Variants in SH3RF3 observed in about 807,000 individuals in gnomAD.
SH3RF3 encodes E3 ubiquitin-protein ligase SH3RF3.
In SH3RF3, 29 loss-of-function variants were observed where a neutral mutation model predicts 66.3. The ratio of observed to expected loss-of-function variants is 0.44; its 90% confidence interval spans 0.33 to 0.60. The LOEUF (loss-of-function observed/expected upper bound fraction) is 0.60, where lower values mean the gene tolerates loss of function less well. Among genes scored for constraint, SH3RF3 ranks in the 20% least tolerant of loss-of-function variants. The probability of loss-of-function intolerance (pLI) is 0.04; values close to 1 mark genes in which losing one functional copy is unlikely to be tolerated. For missense variants in SH3RF3, 1,194 were observed against 1,190.9 expected (o/e 1.00, Z -0.04); for synonymous variants, 583 against 532.0 (o/e 1.10, Z -1.32).
chr2:109,135,434 C>T (rs1046640466), intron 1 of SH3RF3, among the ~76,000 whole-genome samples: 10 of 152,188 alleles, frequency 6.6e-5, no homozygotes, highest in African/African-American at 2.4e-4. Flanking sequence ...GACTTGTTAT[C>T]AGTGAATTAG....
At chr2:109,428,522 C>T (rs1334409885) in intron 5 of SH3RF3, among the ~76,000 whole-genome samples, 1 of 152,226 alleles carries the variant, frequency 6.6e-6, no homozygotes, top group Middle Eastern at 3.2e-3. Flanking sequence ...CCCCTGGCCC[C>T]ATGCCTGACT....
At chr2:109,480,902 T>C (rs115743948) in intron 8 of SH3RF3, among the ~76,000 whole-genome samples, 1 of 152,124 alleles carries the variant, frequency 6.6e-6, no homozygotes, top group African/African-American at 2.4e-5. Flanking sequence ...GGTTTCTGTC[T>C]TAAAAGAATG....
At chr2:109,430,992 C>T (rs776020120) in intron 5 of SH3RF3, among the ~76,000 whole-genome samples, 9 of 152,124 alleles carry the variant, frequency 5.9e-5, no homozygotes, top group African/African-American at 1.4e-4. Context: ...TTAGGATGTT[C>T]GAAAAGGGGG....
At chr2:109,242,195 C>A (rs889445405) in intron 1 of SH3RF3, among the ~76,000 whole-genome samples, 7 of 152,080 alleles carry the variant, frequency 4.6e-5, no homozygotes, top group African/African-American at 1.7e-4. Flanking sequence ...TTAGGTGGCC[C>A]CTTTTCCTGC....
At chr2:109,238,787 A>G (rs1193411713) in intron 1 of SH3RF3, among the ~76,000 whole-genome samples, 1 of 152,066 alleles carries the variant, frequency 6.6e-6, no homozygotes, top group African/African-American at 2.4e-5. Flanking sequence ...ATACAGAGGC[A>G]AGGCCCCTGA....
At chr2:109,447,365 G>A (rs898842801) in intron 7 of SH3RF3, among the ~76,000 whole-genome samples, 1 of 152,048 alleles carries the variant, frequency 6.6e-6, no homozygotes. Context: ...ATGTCTCACG[G>A]TGCTACTTCC....
chr2:109,383,524 G>A (rs923314610), intron 3 of SH3RF3, among the ~76,000 whole-genome samples: 2 of 152,154 alleles, frequency 1.3e-5, no homozygotes. Flanking sequence ...AATACTTTCT[G>A]TTTCCAATGG....
At chr2:109,306,689 A>G (rs544606607) in intron 1 of SH3RF3, among the ~76,000 whole-genome samples, 7 of 152,352 alleles carry the variant, frequency 4.6e-5, no homozygotes, top group African/African-American at 1.7e-4. Flanking sequence ...CTAGCATGTT[A>G]CTGAAGACAA....
intron 1 of SH3RF3, among the ~76,000 whole-genome samples, chr2:109,226,418 G>C (rs1160261766): frequency 6.6e-6 from 1 of 152,168 alleles, no homozygotes; most frequent in Non-Finnish European, 1.5e-5. Context: ...AGCCATGTGA[G>C]GTCTAATGAC....
At chr2:109,247,170 A>T (rs560401912) in intron 1 of SH3RF3, among the ~76,000 whole-genome samples, 1 of 152,320 alleles carries the variant, frequency 6.6e-6, no homozygotes, top group Admixed American at 6.5e-5. Context: ...GGGTTTGCAG[A>T]GGACAAGGAA....
At chr2:109,470,914 G>T (rs1247867612) in intron 8 of SH3RF3, among the ~76,000 whole-genome samples, 2 of 152,168 alleles carry the variant, frequency 1.3e-5, no homozygotes, top group African/African-American at 4.8e-5. Context: ...TTTTCACACT[G>T]CTGTAAAGAA....
At position 109,398,602 on chromosome 2, in the gene SH3RF3, G is replaced by T. The variant is rs1316259373; in HGVS notation, c.958G>T (p.Ala320Ser). Residue 320 changes from alanine (A) to serine (S), a missense_variant, in exon 4 of 10, where the codon GCC (alanine) becomes TCC (serine). Ala to Ser is a moderately conservative substitution (Grantham distance 99). Transcript: ENST00000309415. ...CTTTCTCACTCAGCTCAATGACTCC[G>T]CCAAGCAGCTCATTGAGATGGACAA... ...PLLYVELNDSAKQLIEMDKPC... is the reference protein window; with the variant it reads ...PLLYVELNDSSKQLIEMDKPC... The T allele has an allele frequency of 6.4e-7, 1 of 1,570,108 alleles. No homozygotes were observed. The highest frequency in any genetic ancestry group is 8.6e-7 in the Non-Finnish European group (1 of 1,159,544).
chr2:109,279,938 G>T (rs1175087929), intron 1 of SH3RF3, among the ~76,000 whole-genome samples: 1 of 152,022 alleles, frequency 6.6e-6, no homozygotes, highest in South Asian at 2.1e-4. Context: ...GGTAAGAGGT[G>T]GAGGGTGAGG....
In SH3RF3 at chr2:109,350,180, G is replaced by A. The variant is rs376341192; in HGVS notation, c.849+2231G>A. On this transcript the variant is annotated intron_variant, in intron 2 of 9. Transcript: ENST00000309415. Reference sequence around the variant, plus strand: ...CTTAGACTCATTCTGCGGTTGGCATGTGGGGTGGGGGTAGCCGAGCAGGGG... The same window carrying A: ...CTTAGACTCATTCTGCGGTTGGCATATGGGGTGGGGGTAGCCGAGCAGGGG... 4.6e-5 allele frequency among the ~76,000 whole-genome samples: 7 copies of A among 152,346 alleles called. No homozygotes were observed. The East Asian group carries it at 9.7e-4, about 21-fold the overall frequency.
At chr2:109,427,775 T>C (rs756730799) in intron 5 of SH3RF3, among the ~76,000 whole-genome samples, 2 of 152,086 alleles carry the variant, frequency 1.3e-5, no homozygotes, top group Non-Finnish European at 2.9e-5. Flanking sequence ...TCCCAGGAAA[T>C]CAGAAGGCCC....
chr2:109,148,985 C>T (rs1236953521), intron 1 of SH3RF3, among the ~76,000 whole-genome samples: 1 of 152,164 alleles, frequency 6.6e-6, no homozygotes, highest in East Asian at 1.9e-4. Context: ...ATCTTTGTTT[C>T]CCTGTTTGCA....
intron 8 of SH3RF3, among the ~76,000 whole-genome samples, chr2:109,452,821 G>A (rs1384267610): frequency 6.6e-6 from 1 of 151,404 alleles, no homozygotes; most frequent in Admixed American, 6.6e-5. Flanking sequence ...CTGGTTCTGG[G>A]AGGCTGGTGC....
intron 4 of SH3RF3, among the ~76,000 whole-genome samples, chr2:109,412,208 A>T (rs927994627): frequency 2.0e-5 from 3 of 152,282 alleles, no homozygotes; most frequent in Non-Finnish European, 4.4e-5. Flanking sequence ...CCTAGCCTTC[A>T]GCCTCTGCCC....
At chr2:109,397,026 C>T (rs1216651558) in intron 3 of SH3RF3, among the ~76,000 whole-genome samples, 2 of 152,208 alleles carry the variant, frequency 1.3e-5, no homozygotes, top group East Asian at 3.9e-4. Context: ...CTGCAGTTTT[C>T]GGAAAGCCCT....
Sources: allele counts gnomAD v4.1 joint callset (sites outside exome capture counted in the v4.1 genomes callset), GRCh38; gene constraint gnomAD v4.1.1; transcripts MANE v1.5; gene names NCBI Gene and HGNC (gene_info 2026-07-23, HGNC 2026-07-21).